The following MYBL2 variants were observed in gnomAD, a reference collection of about 807,000 sequenced individuals.
MYBL2 encodes MYB proto-oncogene like 2.
MYBL2 carries 28 observed loss-of-function variants against 79.9 expected under a neutral mutation model. The ratio of observed to expected loss-of-function variants is 0.35; its 90% CI spans 0.26 to 0.48. The LOEUF (loss-of-function observed/expected upper bound fraction) is 0.48, where lower values mean the gene tolerates loss of function less well. MYBL2 is among the 20% of genes least tolerant of loss of function. The pLI is 0.99. For missense variants in MYBL2, 735 were observed against 893.9 expected (o/e 0.82, Z 2.27); for synonymous variants, 378 against 361.2 (o/e 1.05, Z -0.53).
At chr20:43,714,613 A>G (rs775822688) in intron 12 of MYBL2, among the ~76,000 whole-genome samples, 10 of 152,054 alleles carry the variant, frequency 6.6e-5, no homozygotes, top group African/African-American at 2.4e-4. Context: ...AGTTCTTTAG[A>G]ACAAGATTAA....
At chr20:43,705,079 A>T (rs563117105) in intron 8 of MYBL2, 140 bp from the exon 9 acceptor site, 2 of 1,063,920 alleles carry the variant, frequency 1.9e-6, no homozygotes, top group African/African-American at 3.2e-5. Context: ...CGGGTGTCTG[A>T]TGGGTCAAGA....
At chr20:43,711,695 C>G in intron 11 of MYBL2, 94 bp downstream of exon 11, 6 of 1,151,748 alleles carry the variant, frequency 5.2e-6, no homozygotes, top group African/African-American at 3.1e-5. Context: ...AAGTGAGGCG[C>G]TGGGGAGAAT....
intron 12 of MYBL2, among the ~76,000 whole-genome samples, 182 bp from the exon 13 acceptor site, chr20:43,714,952 A>G (rs1389680816): frequency 1.3e-5 from 2 of 152,182 alleles, no homozygotes; most frequent in East Asian, 3.9e-4. Flanking sequence ...TTTAAGTATA[A>G]AGTAAGCTTA....
At chr20:43,694,288 C>T (rs1003856527) in intron 6 of MYBL2, among the ~76,000 whole-genome samples, 27 of 152,064 alleles carry the variant, frequency 1.8e-4, no homozygotes, top group Middle Eastern at 3.4e-3. Flanking sequence ...GCCGAGATCA[C>T]GCCACTGCAC....
chr20:43,695,709 G>A (rs181848669), intron 6 of MYBL2, among the ~76,000 whole-genome samples: 33 of 150,274 alleles, frequency 2.2e-4, no homozygotes, highest in African/African-American at 5.8e-4. Context: ...AAGCTGGTGC[G>A]GTGGCACACA....
intron 7 of MYBL2, among the ~76,000 whole-genome samples, chr20:43,701,999 C>A (rs959480845): frequency 6.6e-6 from 1 of 152,298 alleles, no homozygotes; most frequent in East Asian, 1.9e-4. Flanking sequence ...TGGTGGCACA[C>A]GCCTGTAGTC....
At chr20:43,706,841 G>A (rs1335162618) in intron 9 of MYBL2, among the ~76,000 whole-genome samples, 1 of 149,410 alleles carries the variant, frequency 6.7e-6, no homozygotes, top group Non-Finnish European at 1.5e-5. Context: ...TCAGCCTCCT[G>A]AGTAGCTGGG....
chr20:43,710,122 A>G (rs540557962), intron 10 of MYBL2, 60 bp downstream of exon 10: 3 of 1,380,924 alleles, frequency 2.2e-6, no homozygotes, highest in African/African-American at 1.5e-5. Context: ...GGTTCATCCA[A>G]CCATGTTCAG....
chr20:43,685,655 T>C (rs1987255211), intron 4 of MYBL2, among the ~76,000 whole-genome samples: 1 of 152,154 alleles, frequency 6.6e-6, no homozygotes. Flanking sequence ...CTCAGGAGGC[T>C]GAGGCGGGAG....
At chr20:43,706,004 T>A (rs1987774960) in intron 9 of MYBL2, among the ~76,000 whole-genome samples, 1 of 152,082 alleles carries the variant, frequency 6.6e-6, no homozygotes, top group South Asian at 2.1e-4. Context: ...CCGGCTAAAA[T>A]TTTTTTAAGA....
chr20:43,674,305 C>T (rs931996171), intron 2 of MYBL2, among the ~76,000 whole-genome samples: 3 of 135,254 alleles, frequency 2.2e-5, no homozygotes, highest in African/African-American at 8.2e-5. Context: ...GGCATAATCT[C>T]AGCTCACTGC....
At chr20:43,681,489 C>G (rs1309721738) in intron 2 of MYBL2, among the ~76,000 whole-genome samples, 1 of 152,140 alleles carries the variant, frequency 6.6e-6, no homozygotes, top group East Asian at 1.9e-4. Flanking sequence ...TGGAACCTGT[C>G]CCTTAGTGTC....
At chr20:43,711,443 C>T (rs1987903240) in intron 10 of MYBL2, 45 bp from the exon 11 acceptor site, 1 of 1,497,624 alleles carries the variant, frequency 6.7e-7, no homozygotes, top group Non-Finnish European at 9.2e-7. Flanking sequence ...ACACACACAG[C>T]CCGAGTGTGG....
At chr20:43,715,932 G>A in intron 13 of MYBL2, 27 bp from the exon 14 acceptor site, 1 of 1,598,914 alleles carries the variant, frequency 6.3e-7, no homozygotes, top group Non-Finnish European at 8.5e-7. Context: ...TCCCTGCCTG[G>A]ATGGTAACCC....
chr20:43,669,193 C>T (rs1289622257), intron 1 of MYBL2, among the ~76,000 whole-genome samples: 3 of 152,158 alleles, frequency 2.0e-5, no homozygotes, highest in Non-Finnish European at 4.4e-5. Flanking sequence ...CGTTGTGTCT[C>T]ACCTCACTAT....
At chr20:43,715,012 T>A in intron 12 of MYBL2, 122 bp from the exon 13 acceptor site, 1 of 1,152,592 alleles carries the variant, frequency 8.7e-7, no homozygotes, top group Non-Finnish European at 1.3e-6. Flanking sequence ...CTTGGAAAAG[T>A]GTGTATCCTC....
intron 7 of MYBL2, 134 bp from the exon 8 acceptor site, chr20:43,702,356 G>A: frequency 1.0e-6 from 1 of 998,304 alleles, no homozygotes; most frequent in East Asian, 2.4e-5. Flanking sequence ...AAACTTTGAG[G>A]AAATGCATGA....
chr20:43,680,789 G>A (rs1987124761), intron 2 of MYBL2, among the ~76,000 whole-genome samples: 1 of 152,142 alleles, frequency 6.6e-6, no homozygotes, highest in Admixed American at 6.5e-5. Context: ...CACTGCGCCT[G>A]GCTTGACATT....
intron 13 of MYBL2, among the ~76,000 whole-genome samples, chr20:43,715,718 C>T (rs992572120): frequency 6.6e-6 from 1 of 152,186 alleles, no homozygotes; most frequent in Non-Finnish European, 1.5e-5. Flanking sequence ...GAGGCTGGTG[C>T]TGCACGGGGC....
Sources: gnomAD v4.1 joint callset for allele counts (sites outside exome capture counted in the v4.1 genomes callset) on GRCh38, gnomAD v4.1.1 for gene constraint, MANE v1.5 for transcripts, NCBI Gene and HGNC (gene_info 2026-07-23, HGNC 2026-07-21) for gene names.